The following GGA3 variants were observed in gnomAD, a reference collection of about 807,000 sequenced individuals.
GGA3 encodes ADP-ribosylation factor-binding protein GGA3.
In GGA3, 57 loss-of-function variants were observed where a neutral mutation model predicts 77.5. The observed-to-expected ratio is 0.74, with a 90% confidence interval of 0.59 to 0.92. GGA3 has a LOEUF of 0.92. GGA3 is among the 40% of genes least tolerant of loss of function. GGA3 has a pLI of 0.00. For missense variants in GGA3, 970 were observed against 914.9 expected, an observed-to-expected ratio of 1.06 and a Z score of -0.78; for synonymous variants, 416 against 383.7, an observed-to-expected ratio of 1.08 and a Z score of -0.98.
intron 11 of GGA3, 120 bp downstream of exon 11, chr17:75,240,692 C>T: frequency 8.6e-7 from 1 of 1,158,066 alleles, no homozygotes; most frequent in Admixed American, 2.7e-5. Context: ...ACCTCCAACT[C>T]AGGGTTCTTT....
intron 8 of GGA3, 83 bp downstream of exon 8, chr17:75,242,253 A>G (rs955562723): frequency 7.1e-7 from 1 of 1,418,010 alleles, no homozygotes. Context: ...GTCTCTGACA[A>G]GGCACGTGCT....
chr17:75,262,088 T>A, upstream of GGA3: 1 of 1,342,764 alleles, frequency 7.4e-7, no homozygotes, highest in Non-Finnish European at 1.0e-6. Flanking sequence ...GGGGCCGGAG[T>A]ATCTGGATTC....
At chr17:75,242,622 C>A in intron 7 of GGA3, 149 bp from the exon 8 acceptor site, 1 of 962,482 alleles carries the variant, frequency 1.0e-6, no homozygotes, top group South Asian at 1.5e-5. Context: ...TATACTTCTG[C>A]TTTCACAACA....
intron 1 of GGA3, among the ~76,000 whole-genome samples, chr17:75,252,330 T>C (rs1219578760): frequency 8.5e-5 from 13 of 152,098 alleles, no homozygotes; most frequent in Non-Finnish European, 1.5e-5. Context: ...GCTCAGGCGA[T>C]GCTCCCACCT....
Position 75,241,499 on chromosome 17 carries a change from T to G in GGA3, c.847A>C (p.Ser283Arg). ...TTGATGACCCGGGAGAGGTTGTCAC[T>G]GGCTTGCAGGATGTCCCCTGGAGCA... ...DNSLGDILQASDNLSRVINSY... is the reference protein window; with the variant it reads ...DNSLGDILQARDNLSRVINSY... Residue 283 changes from serine to arginine, a missense_variant, in exon 10 of 17, where the codon AGT becomes CGT. Coordinates refer to ENST00000537686, the MANE Select transcript of GGA3 (RefSeq NM_138619.4). 1 of 1,613,454 alleles carries G rather than the reference T, an allele frequency of 6.2e-7. No homozygotes were observed. Among genetic ancestry groups the G allele is most frequent in the Non-Finnish European group, 8.5e-7 (1 of 1,179,358 alleles).
intron 4 of GGA3, 91 bp from the exon 5 acceptor site, chr17:75,243,661 C>T (rs1236030627): frequency 1.5e-6 from 2 of 1,304,214 alleles, no homozygotes; most frequent in Non-Finnish European, 2.1e-6. Context: ...CGTGGCTGCT[C>T]AGCAGCTATG....
At chr17:75,238,628 A>AC (rs780753074) in intron 16 of GGA3, 24 bp downstream of exon 16, 94 of 1,528,708 alleles carry the variant, frequency 6.1e-5, no homozygotes, top group Non-Finnish European at 1.3e-5. Flanking sequence ...TCAGGCTGGG[A>AC]CCCCTGGGTT....
At chr17:75,250,762 CAAAA>C (rs5822078) in intron 1 of GGA3, among the ~76,000 whole-genome samples, 1 of 78,848 alleles carries the variant, frequency 1.3e-5, no homozygotes. Flanking sequence ...ACTCCATCTC[CAAAA>C]AAAAAAAAAA....
rs2076355361 is a variant in GGA3 at position 75,237,412 on chromosome 17, G to A, written c.*867C>T. The A allele has an allele frequency of 7.4e-7, 1 of 1,346,086 alleles. No homozygotes were observed. Among genetic ancestry groups the A allele is most frequent in the East Asian group, 2.5e-5 (1 of 40,146 alleles). 83.4% of individuals were successfully genotyped at this position (1,346,086 alleles called of 1,614,324 possible). Reference sequence around the variant, plus strand: ...GGAGGCCAAAGCAGTAGGATGTAGAGTGGCGGTAGATTCCAAGGGGAGGAT... The same window carrying A: ...GGAGGCCAAAGCAGTAGGATGTAGAATGGCGGTAGATTCCAAGGGGAGGAT... On this transcript the variant is annotated 3_prime_UTR_variant, in exon 17 of 17. Coordinates refer to ENST00000537686, the MANE Select transcript of GGA3 (RefSeq NM_138619.4).
upstream of GGA3, chr17:75,262,120 G>T (rs73356355): frequency 0.012 from 12,999 of 1,044,076 alleles, 1,054 homozygotes; most frequent in African/African-American, 0.17. Flanking sequence ...TTAGCTGCGT[G>T]ACCCTGCGCC....
In GGA3 at chr17:75,239,007, TG is replaced by T; in HGVS notation, c.1856del (p.Pro619GlnfsTer14). On this transcript the variant is annotated frameshift_variant, in exon 15 of 17. Coordinates refer to ENST00000537686, the MANE Select transcript of GGA3 (RefSeq NM_138619.4). LOFTEE classifies it high-confidence loss of function. ...ILFHFAKECP[P>X]GRPDVLVVVV... The stretch of plus-strand genomic sequence containing the variant: ...CCACCACCAGCACGTCAGGTCGTCC[TG>T]GGGGACACTCCTTGGCAAAGTGGAA... 1 of 1,614,058 alleles carries T rather than the reference TG, an allele frequency of 6.2e-7. No homozygotes were observed. The highest frequency in any genetic ancestry group is 8.5e-7 in the Non-Finnish European group (1 of 1,179,998).
At chr17:75,245,264 G>A (rs774156559) in intron 3 of GGA3, among the ~76,000 whole-genome samples, 1 of 152,222 alleles carries the variant, frequency 6.6e-6, no homozygotes, top group Admixed American at 6.5e-5. Flanking sequence ...CTAAGGGGGA[G>A]TGCACTGTCC....
intron 1 of GGA3, among the ~76,000 whole-genome samples, chr17:75,256,341 T>G (rs965539653): frequency 2.6e-5 from 4 of 152,136 alleles, no homozygotes; most frequent in African/African-American, 4.8e-5. Flanking sequence ...GCATATACTT[T>G]CTGCTCCCCG....
At position 75,237,716 on chromosome 17, in the gene GGA3, C is replaced by G. The variant is rs2076368105; in HGVS notation, c.*563G>C. 1 of 1,444,286 alleles carries G rather than the reference C, an allele frequency of 6.9e-7. No homozygotes were observed. Among genetic ancestry groups the G allele is most frequent in the Non-Finnish European group, 9.1e-7 (1 of 1,101,438 alleles). 89.5% of individuals were successfully genotyped at this position (1,444,286 alleles called of 1,614,324 possible). ...ACGATGCTGTCCACCAGAGGCAGGG[C>G]TGGGGACTTTGCAGTATGCCAGTTC... On this transcript the variant is annotated 3_prime_UTR_variant, in exon 17 of 17. Coordinates refer to ENST00000537686, the MANE Select transcript of GGA3 (RefSeq NM_138619.4).
At chr17:75,261,894 A>T, upstream of GGA3, 1 of 1,608,012 alleles carries the variant, frequency 6.2e-7, no homozygotes, top group Middle Eastern at 1.7e-4. Flanking sequence ...CCTCGTGGCC[A>T]GCCAAGATGG....
upstream of GGA3, chr17:75,261,826 CTT>C (rs2077395474): frequency 5.3e-6 from 8 of 1,496,826 alleles, no homozygotes; most frequent in Non-Finnish European, 5.5e-6. Context: ...CCTGAGGAGT[CTT>C]TTTCACCCGT....
At position 75,239,379 on chromosome 17, in the gene GGA3, C is replaced by G. The variant is rs2076441073; in HGVS notation, c.1776G>C (p.Lys592Asn). 6.5e-7 allele frequency: 1 copy of G among 1,544,928 alleles called. No homozygotes were observed. The highest frequency in any genetic ancestry group is 8.7e-7 in the Non-Finnish European group (1 of 1,152,256). The change falls in exon 14 of 17, where the codon AAG (lysine) becomes AAC (asparagine). Residue 592 changes from lysine to asparagine, a missense_variant. Coordinates refer to ENST00000537686, the MANE Select transcript of GGA3 (RefSeq NM_138619.4). Reference sequence around the variant, plus strand: ...CCTCAATCCTCCAACACCTACTAGGCTTGATCGATTCCAGGGGCACGTGGA... The same window carrying G: ...CCTCAATCCTCCAACACCTACTAGGGTTGATCGATTCCAGGGGCACGTGGA... ...ASIHVPLESIKPSSALPVTAY... is the reference protein window; with the variant it reads ...ASIHVPLESINPSSALPVTAY...
chr17:75,256,267 T>C (rs1212516006), intron 1 of GGA3, among the ~76,000 whole-genome samples: 1 of 152,076 alleles, frequency 6.6e-6, no homozygotes, highest in East Asian at 1.9e-4. Flanking sequence ...AATAACAAAC[T>C]ATGCTCAACT....
intron 4 of GGA3, 138 bp downstream of exon 4, chr17:75,244,481 G>T (rs1020539874): frequency 8.6e-6 from 6 of 696,906 alleles, no homozygotes; most frequent in Admixed American, 8.5e-5. Context: ...TACCTCCAGG[G>T]CCTAGCTCTC....
Sources: allele counts gnomAD v4.1 joint callset (sites outside exome capture counted in the v4.1 genomes callset), GRCh38; gene constraint gnomAD v4.1.1; transcripts MANE v1.5; gene names NCBI Gene and HGNC (gene_info 2026-07-23, HGNC 2026-07-21).